Variants in TNS1 observed in about 807,000 individuals in gnomAD.
TNS1 encodes the protein tensin 1.
A neutral mutation model predicts 168.6 loss-of-function variants in TNS1; 62 were observed. The observed-to-expected ratio is 0.37, with a 90% confidence interval of 0.30 to 0.45. The LOEUF (loss-of-function observed/expected upper bound fraction) is 0.45, where lower values mean the gene tolerates loss of function less well. Among genes scored for constraint, TNS1 ranks in the 20% least tolerant of loss-of-function variants. The probability of loss-of-function intolerance (pLI) is 1.00; values close to 1 mark genes in which losing one functional copy is unlikely to be tolerated. For missense variants in TNS1, 2,240 were observed against 2,339.4 expected, an observed-to-expected ratio of 0.96 and a Z score of 0.88; for synonymous variants, 934 against 933.2, an observed-to-expected ratio of 1.00 and a Z score of -0.02.
At chr2:217,955,654 G>T (rs368327477) in intron 3 of TNS1, among the ~76,000 whole-genome samples, 1 of 152,272 alleles carries the variant, frequency 6.6e-6, no homozygotes, top group African/African-American at 2.4e-5. Context: ...GTGGGAGGCG[G>T]TCAACACCTT....
intron 3 of TNS1, among the ~76,000 whole-genome samples, chr2:217,961,691 G>C (rs546752125): frequency 3.3e-5 from 5 of 152,202 alleles, no homozygotes; most frequent in African/African-American, 4.8e-5. Flanking sequence ...AGCCCGGTGG[G>C]ACCCCCCCAT....
chr2:217,919,131 C>A (rs1277837791), intron 4 of TNS1, among the ~76,000 whole-genome samples: 5 of 152,174 alleles, frequency 3.3e-5, no homozygotes, highest in Non-Finnish European at 5.9e-5. Context: ...ATGGAGGGGC[C>A]CCTTGGAGCA....
At chr2:217,830,068 C>T (rs188634486) in intron 22 of TNS1, 1 of 855,868 alleles carries the variant, frequency 1.2e-6, no homozygotes, top group East Asian at 1.2e-4. Context: ...CCGATTTGCG[C>T]TGTCCACAGA....
In TNS1 at chr2:217,984,825, G is replaced by A. The variant is rs186526135; in HGVS notation, c.149-6023C>T. On this transcript the variant is annotated intron_variant, in intron 2 of 32. Coordinates refer to ENST00000682258, the MANE Select transcript of TNS1 (RefSeq NM_001387777.1). The stretch of plus-strand genomic sequence containing the variant: ...GGCTGGAGTGCATTGGCATGTTCTC[G>A]GCTCACTGCAACCTCCACCTCCCGG... Among the ~76,000 whole-genome samples the A allele has an allele frequency of 1.9e-4, 28 of 148,944 alleles. 1 individual carries two copies. The highest frequency in any genetic ancestry group is 3.1e-4 in the Non-Finnish European group (21 of 67,540).
chr2:218,002,338 A>G (rs1359756145), intron 1 of TNS1, among the ~76,000 whole-genome samples: 1 of 152,180 alleles, frequency 6.6e-6, no homozygotes, highest in African/African-American at 2.4e-5. Flanking sequence ...TGGGTGTAGA[A>G]GGAATAAAAG....
rs146665840 is a variant in TNS1, at chr2:217,806,335, G to A, written c.5376-1732C>T. On this transcript the variant is annotated intron_variant, in intron 32 of 32. Transcript: ENST00000682258. ...AAGATCTAACATCTCCTTGAATTTT[G>A]CACATGAGATCCCTGGCTGGCCTCA... 2.0e-5 allele frequency among the ~76,000 whole-genome samples: 3 copies of A among 152,342 alleles called. No homozygotes were observed. In the East Asian group the frequency reaches 5.8e-4, roughly 29 times the overall value.
At chr2:217,855,439 C>T (rs1196105032) in intron 18 of TNS1, among the ~76,000 whole-genome samples, 1 of 152,234 alleles carries the variant, frequency 6.6e-6, no homozygotes, top group Non-Finnish European at 1.5e-5. Flanking sequence ...CTCTACGGTG[C>T]TCCTGTTGTC....
chr2:218,002,044 C>T (rs1023702391), intron 1 of TNS1, among the ~76,000 whole-genome samples: 2 of 152,234 alleles, frequency 1.3e-5, no homozygotes, highest in African/African-American at 4.8e-5. Context: ...GTCCTCTCCT[C>T]CTCTGACCCC....
intron 1 of TNS1, among the ~76,000 whole-genome samples, chr2:218,025,413 T>C (rs186728311): frequency 2.6e-5 from 4 of 152,226 alleles, no homozygotes; most frequent in Non-Finnish European, 5.9e-5. Context: ...CATGCCCAGC[T>C]AACTTTTTGT....
chr2:217,952,855 C>A (rs1957274715), intron 3 of TNS1, among the ~76,000 whole-genome samples: 1 of 152,210 alleles, frequency 6.6e-6, no homozygotes, highest in Non-Finnish European at 1.5e-5. Context: ...CCCAAGGCCA[C>A]CCAATCAAGG....
chr2:217,834,970 T>C, intron 21 of TNS1, 121 bp downstream of exon 21: 1 of 765,072 alleles, frequency 1.3e-6, no homozygotes, highest in Non-Finnish European at 2.1e-6. Flanking sequence ...AGCAGCACGT[T>C]CTGGCCCCAC....
intron 7 of TNS1, among the ~76,000 whole-genome samples, chr2:217,899,679 T>A (rs1290195874): frequency 6.6e-6 from 1 of 152,184 alleles, no homozygotes; most frequent in Non-Finnish European, 1.5e-5. Flanking sequence ...GACCCGCCCC[T>A]GTCTACAGGC....
chr2:217,862,194 G>A (rs1286371493), intron 18 of TNS1, among the ~76,000 whole-genome samples: 3 of 152,264 alleles, frequency 2.0e-5, no homozygotes, highest in East Asian at 1.9e-4. Flanking sequence ...AGGACTTCCT[G>A]GGGGCTTGGG....
In TNS1 at chr2:218,033,200, C is replaced by T. The variant is rs114785126; in HGVS notation, c.156+620G>A. The stretch of plus-strand genomic sequence containing the variant: ...CTCCTCCTACTCTCCCAGGAAGAAA[C>T]CAGCACCACACCTATCCCAGGCCTG... On this transcript the variant is annotated intron_variant, in intron 1 of 1. Transcript: ENST00000649572. This position sits in a 1 kb window ranked among gnomAD's most constrained non-coding sequence, Gnocchi z 4.3. 0.012 allele frequency among the ~76,000 whole-genome samples: 1,790 copies of T among 152,266 alleles called. 35 individuals are homozygous for T. The highest frequency in any genetic ancestry group is 0.041 in the African/African-American group (1,697 of 41,550).
intron 1 of TNS1, among the ~76,000 whole-genome samples, chr2:217,991,785 C>T (rs576911659): frequency 2.2e-4 from 34 of 152,310 alleles, no homozygotes; most frequent in East Asian, 1.9e-4. Flanking sequence ...CCACCCTCTC[C>T]ACCATCCCCT....
chr2:217,955,835 G>T (rs1241127375), intron 3 of TNS1, among the ~76,000 whole-genome samples: 1 of 152,142 alleles, frequency 6.6e-6, no homozygotes, highest in Non-Finnish European at 1.5e-5. Flanking sequence ...AGTGACACTG[G>T]GTAGATCAGG....
rs149900941 is a variant in TNS1 at position 217,837,803 on chromosome 2, C to T, written c.3008-1592G>A. 1.4e-3 allele frequency among the ~76,000 whole-genome samples: 218 copies of T among 152,308 alleles called. 1 individual carries two copies. The highest frequency in any genetic ancestry group is 5.1e-3 in the African/African-American group (213 of 41,566). On this transcript the variant is annotated intron_variant, in intron 19 of 32. Coordinates refer to ENST00000682258, the MANE Select transcript of TNS1 (RefSeq NM_001387777.1). ...TTCGCAGAACAGAAAAATAGGAGTC[C>T]CATTAGACCCAGCCAGGGGCTGCCA... is the stretch of plus-strand genomic sequence containing the variant.
At chr2:217,920,431 C>T (rs894847208) in intron 3 of TNS1, among the ~76,000 whole-genome samples, 195 bp from the exon 4 acceptor site, 7 of 152,034 alleles carry the variant, frequency 4.6e-5, no homozygotes, top group Admixed American at 2.0e-4. Context: ...GGAAAGGGAG[C>T]GGGGGCCGCA....
At chr2:217,844,984 C>T (rs1335520768) in intron 19 of TNS1, among the ~76,000 whole-genome samples, 2 of 152,202 alleles carry the variant, frequency 1.3e-5, no homozygotes, top group African/African-American at 2.4e-5. Flanking sequence ...TTGTCCCTGG[C>T]TCTAATAGGA....
Sources: gnomAD v4.1 joint callset for allele counts (sites outside exome capture counted in the v4.1 genomes callset) on GRCh38, gnomAD v4.1.1 for gene constraint, Gnocchi (gnomAD v3.1) non-coding constraint, MANE v1.5 for transcripts, NCBI Gene and HGNC (gene_info 2026-07-23, HGNC 2026-07-21) for gene names.